The following LRP1B variants were observed in gnomAD, a reference collection of about 807,000 sequenced individuals.
LRP1B encodes the protein LDL receptor related protein 1B.
In LRP1B, 217 loss-of-function variants were observed where a neutral mutation model predicts 556.6. The ratio of observed to expected loss-of-function variants is 0.39; its 90% CI spans 0.35 to 0.44. LRP1B has a LOEUF of 0.44. LRP1B is among the 20% of genes least tolerant of loss of function. The pLI, the probability that LRP1B is intolerant of heterozygous loss-of-function variation, is 1.00. For missense variants in LRP1B, 5,053 were observed against 5,620.8 expected (o/e 0.90, Z 3.23); for synonymous variants, 2,047 against 1,865.8 (o/e 1.10, Z -2.50).
chr2:141,705,278 A>AT (rs1049907755), intron 2 of LRP1B, among the ~76,000 whole-genome samples: 1 of 151,902 alleles, frequency 6.6e-6, no homozygotes, highest in African/African-American at 2.4e-5. Flanking sequence ...AAGTAACCTT[A>AT]TTTTTTTGAA....
At chr2:140,347,132 A>G (rs1411210023) in intron 77 of LRP1B, among the ~76,000 whole-genome samples, 1 of 151,826 alleles carries the variant, frequency 6.6e-6, no homozygotes, top group Non-Finnish European at 1.5e-5. Context: ...TTTGTATAGC[A>G]TTTCATACTA....
Position 140,241,550 on chromosome 2 carries a change from G to A in LRP1B, c.13325-2018C>T, listed in dbSNP as rs184175655. Among the ~76,000 whole-genome samples, 15 of 150,670 alleles carry A rather than the reference G, an allele frequency of 1.0e-4. No homozygotes were observed. The South Asian group carries it at 2.3e-3, about 23-fold the overall frequency. On this transcript the variant is annotated intron_variant, in intron 87 of 90. Transcript: ENST00000389484. The stretch of plus-strand genomic sequence containing the variant: ...AATTAAGTATGCTAGAAAATAAAAG[G>A]TTTCTTTTTTTCCCTTCATAGATGG...
At chr2:141,542,737 C>G (rs1254514332) in intron 2 of LRP1B, among the ~76,000 whole-genome samples, 1 of 152,128 alleles carries the variant, frequency 6.6e-6, no homozygotes, top group Non-Finnish European at 1.5e-5. Context: ...ACTCTGCTCT[C>G]TTTGTCTCAT....
At position 140,747,784 on chromosome 2, in the gene LRP1B, A is replaced by G. The variant is rs116314138; in HGVS notation, c.5758+21429T>C. Among the ~76,000 whole-genome samples the G allele has an allele frequency of 3.4e-3, 516 of 152,196 alleles. 4 individuals are homozygous for G. Among genetic ancestry groups the G allele is most frequent in the African/African-American group, 0.012 (486 of 41,546 alleles). On this transcript the variant is annotated intron_variant, in intron 35 of 90. Transcript: ENST00000389484. ...TTAAAAGTGACCTGAAACAGCTAGC[A>G]TAATGTCAACACATTGGAGTAGATA...
At chr2:140,420,356 G>A (rs1031826122) in intron 66 of LRP1B, among the ~76,000 whole-genome samples, 4 of 152,124 alleles carry the variant, frequency 2.6e-5, no homozygotes, top group Non-Finnish European at 5.9e-5. Context: ...CATCCATCAG[G>A]ATGGCCAAAA....
intron 5 of LRP1B, among the ~76,000 whole-genome samples, chr2:141,231,527 G>A (rs1320280880): frequency 1.3e-5 from 2 of 152,176 alleles, no homozygotes; most frequent in African/African-American, 4.8e-5. Context: ...TCCAGTGGCT[G>A]CAGCCTGGAG....
At chr2:141,777,450 C>G (rs993467960) in intron 2 of LRP1B, among the ~76,000 whole-genome samples, 1 of 152,036 alleles carries the variant, frequency 6.6e-6, no homozygotes, top group African/African-American at 2.4e-5. Flanking sequence ...GAGTCTCACT[C>G]TCTCGCCCAG....
chr2:141,000,885 C>A (rs114779756), intron 15 of LRP1B, among the ~76,000 whole-genome samples: 1,520 of 146,718 alleles, frequency 0.01, 28 homozygotes, highest in African/African-American at 0.035. Context: ...TTGATTTTTT[C>A]ATTTATTTAT....
At chr2:141,916,565 G>T (rs1350449874) in intron 1 of LRP1B, among the ~76,000 whole-genome samples, 20 of 146,168 alleles carry the variant, frequency 1.4e-4, no homozygotes, top group African/African-American at 4.6e-4. Context: ...TTTTTTTTAA[G>T]TGGAGATGGG....
intron 69 of LRP1B, 151 bp from the exon 70 acceptor site, chr2:140,371,436 C>A: frequency 1.4e-5 from 5 of 369,984 alleles, no homozygotes; most frequent in East Asian, 4.4e-5. Flanking sequence ...ATTACAGATT[C>A]ATTTAAATTA....
At chr2:141,624,391 T>A (rs568246070) in intron 2 of LRP1B, among the ~76,000 whole-genome samples, 6 of 152,340 alleles carry the variant, frequency 3.9e-5, no homozygotes, top group African/African-American at 1.4e-4. Flanking sequence ...CAACAGCTAG[T>A]TGAATAAAAG....
At chr2:141,211,055 T>G (rs911173951) in intron 6 of LRP1B, among the ~76,000 whole-genome samples, 1 of 152,092 alleles carries the variant, frequency 6.6e-6, no homozygotes, top group African/African-American at 2.4e-5. Context: ...TGGCATGATC[T>G]CAGCTCACTG....
chr2:140,834,636 G>C (rs1416214005), intron 31 of LRP1B, among the ~76,000 whole-genome samples: 1 of 152,180 alleles, frequency 6.6e-6, no homozygotes, highest in Non-Finnish European at 1.5e-5. Flanking sequence ...CAAGAAGAAA[G>C]TCAGCTGTGT....
intron 2 of LRP1B, among the ~76,000 whole-genome samples, chr2:141,729,873 T>A (rs1396156947): frequency 6.6e-6 from 1 of 152,172 alleles, no homozygotes; most frequent in Non-Finnish European, 1.5e-5. Context: ...ATTCTTTACA[T>A]GGGATCTGAT....
At chr2:140,304,144 G>A (rs113240035) in intron 83 of LRP1B, among the ~76,000 whole-genome samples, 2,942 of 152,252 alleles carry the variant, frequency 0.019, 94 homozygotes, top group African/African-American at 0.068. Flanking sequence ...CTTTACAGCA[G>A]CATGATTTAT....
intron 1 of LRP1B, among the ~76,000 whole-genome samples, chr2:142,083,886 ATAAAGACATTG>A (rs1219427040): frequency 1.3e-5 from 2 of 152,198 alleles, no homozygotes; most frequent in Non-Finnish European, 2.9e-5. Flanking sequence ...GCTATGTATT[ATAAAGACATTG>A]TGAAAACTAT....
intron 7 of LRP1B, among the ~76,000 whole-genome samples, chr2:141,154,008 A>G (rs896339840): frequency 4.6e-5 from 7 of 151,822 alleles, no homozygotes; most frequent in Non-Finnish European, 8.8e-5. Flanking sequence ...AATAAATACA[A>G]TTATGTTGCA....
intron 18 of LRP1B, among the ~76,000 whole-genome samples, chr2:140,967,655 A>T (rs1242714871): frequency 6.6e-6 from 1 of 151,734 alleles, no homozygotes; most frequent in African/African-American, 2.4e-5. Context: ...TTGCCCATTC[A>T]GTATGATATT....
intron 86 of LRP1B, among the ~76,000 whole-genome samples, chr2:140,250,908 G>A (rs1224746530): frequency 1.3e-5 from 2 of 151,464 alleles, no homozygotes; most frequent in African/African-American, 2.4e-5. Flanking sequence ...TAATATACAA[G>A]CCCAGCATGA....
Sources: gnomAD v4.1 joint callset for allele counts (sites outside exome capture counted in the v4.1 genomes callset) on GRCh38, gnomAD v4.1.1 for gene constraint, MANE v1.5 for transcripts, NCBI Gene and HGNC (gene_info 2026-07-23, HGNC 2026-07-21) for gene names.